Variants in CSMD1 observed in about 807,000 individuals in gnomAD.
The protein encoded by CSMD1 is CUB and sushi domain-containing protein 1.
In CSMD1, 213 loss-of-function variants were observed where a neutral mutation model predicts 417.5. The observed-to-expected ratio is 0.51, with a 90% confidence interval of 0.46 to 0.57. The LOEUF is 0.57. Among genes scored for constraint, CSMD1 ranks in the 20% least tolerant of loss-of-function variants. CSMD1 has a pLI of 0.00. For synonymous variants in CSMD1, 2,862 were observed against 1,736.8 expected (o/e 1.65, Z -16.11); for missense variants, 6,923 against 4,529.7 (o/e 1.53, Z -15.17).
intron 3 of CSMD1, among the ~76,000 whole-genome samples, chr8:4,255,611 G>C (rs993686841): frequency 2.0e-5 from 3 of 152,124 alleles, no homozygotes; most frequent in African/African-American, 7.2e-5. Context: ...GATTATACTT[G>C]ATTTTTATCA....
intron 3 of CSMD1, among the ~76,000 whole-genome samples, chr8:4,352,310 T>C (rs1346881706): frequency 1.3e-5 from 2 of 152,208 alleles, no homozygotes; most frequent in Admixed American, 6.5e-5. Flanking sequence ...AATAGAACTA[T>C]CTATGCCATC....
intron 1 of CSMD1, among the ~76,000 whole-genome samples, chr8:4,906,822 T>C (rs12677949): frequency 6.6e-6 from 1 of 152,086 alleles, no homozygotes; most frequent in African/African-American, 2.4e-5. Context: ...CCTCCCATAG[T>C]GCTGAGATTA....
intron 2 of CSMD1, among the ~76,000 whole-genome samples, chr8:4,538,364 T>C (rs74471748): frequency 0.13 from 19,551 of 152,062 alleles, 1,337 homozygotes; most frequent in East Asian, 0.23. Context: ...TTTAAAAGGC[T>C]GGGTGCGATG....
At chr8:3,529,608 G>T (rs369683792) in intron 10 of CSMD1, among the ~76,000 whole-genome samples, 1 of 152,276 alleles carries the variant, frequency 6.6e-6, no homozygotes, top group South Asian at 2.1e-4. Flanking sequence ...ATCTTCTGAC[G>T]CCTAGTTCGT....
intron 12 of CSMD1, among the ~76,000 whole-genome samples, chr8:3,446,093 G>A (rs1189098557): frequency 2.0e-5 from 3 of 152,046 alleles, no homozygotes; most frequent in African/African-American, 7.2e-5. Context: ...AAGTTGAAAT[G>A]GACTAAAAAC....
At chr8:4,705,551 G>T (rs543092793) in intron 1 of CSMD1, among the ~76,000 whole-genome samples, 1 of 152,166 alleles carries the variant, frequency 6.6e-6, no homozygotes, top group South Asian at 2.1e-4. Flanking sequence ...ATTCTACTAC[G>T]GCATATTTCT....
intron 3 of CSMD1, among the ~76,000 whole-genome samples, chr8:4,087,017 A>C (rs190401507): frequency 6.6e-6 from 1 of 152,200 alleles, no homozygotes; most frequent in Admixed American, 6.5e-5. Context: ...CGCTATGTAC[A>C]TCATGGAATT....
intron 3 of CSMD1, among the ~76,000 whole-genome samples, chr8:4,361,027 T>C (rs1563093471): frequency 6.6e-6 from 1 of 152,210 alleles, no homozygotes; most frequent in Admixed American, 6.5e-5. Flanking sequence ...TTTCTTAAAA[T>C]TAATGCTATA....
chr8:4,706,796 C>G (rs1354855624), intron 1 of CSMD1, among the ~76,000 whole-genome samples: 1 of 152,174 alleles, frequency 6.6e-6, no homozygotes, highest in African/African-American at 2.4e-5. Context: ...TTGAGAAAGA[C>G]AGTGCTTGAC....
intron 3 of CSMD1, among the ~76,000 whole-genome samples, chr8:4,162,125 T>G (rs937262313): frequency 2.9e-4 from 44 of 152,208 alleles, no homozygotes; most frequent in African/African-American, 1.1e-3. Flanking sequence ...TACATGATTC[T>G]AAATAAACTA....
At chr8:4,456,661 C>T (rs1225839530) in intron 2 of CSMD1, among the ~76,000 whole-genome samples, 2 of 152,076 alleles carry the variant, frequency 1.3e-5, no homozygotes, top group Non-Finnish European at 2.9e-5. Context: ...GACCCTCCAA[C>T]CAATCATCTG....
At chr8:3,537,193 GT>G (rs1317864722) in intron 10 of CSMD1, among the ~76,000 whole-genome samples, 1 of 151,968 alleles carries the variant, frequency 6.6e-6, no homozygotes, top group African/African-American at 2.4e-5. Flanking sequence ...TAAGAGACAG[GT>G]TTCACCATGT....
intron 4 of CSMD1, among the ~76,000 whole-genome samples, chr8:4,025,086 G>C (rs1479474396): frequency 1.3e-5 from 2 of 152,152 alleles, no homozygotes; most frequent in Non-Finnish European, 2.9e-5. Context: ...TTCAGAATTG[G>C]AGCAATGGAA....
rs1005497429 is a variant in CSMD1 at position 4,632,411 on chromosome 8, C to T, written c.302+4931G>A. Reference sequence around the variant, plus strand: ...CCTGTAATCCCAGTTACTCAGGAGGCTGAGACAGCAGAATTGCTTAAACCG... The same window carrying T: ...CCTGTAATCCCAGTTACTCAGGAGGTTGAGACAGCAGAATTGCTTAAACCG... On this transcript the variant is annotated intron_variant, in intron 2 of 69. Coordinates refer to ENST00000635120, the MANE Select transcript of CSMD1 (RefSeq NM_033225.6). Among the ~76,000 whole-genome samples, 6 of 152,166 alleles carry T rather than the reference C, an allele frequency of 3.9e-5. No homozygotes were observed. The South Asian group carries it at 1.0e-3, about 26-fold the overall frequency.
chr8:3,899,037 G>T (rs1221677559), intron 5 of CSMD1, among the ~76,000 whole-genome samples: 2 of 152,156 alleles, frequency 1.3e-5, no homozygotes, highest in African/African-American at 4.8e-5. Context: ...ACGCGTCCAG[G>T]AAAAGAAAAC....
intron 3 of CSMD1, among the ~76,000 whole-genome samples, chr8:4,118,088 T>G (rs1045854743): frequency 6.6e-6 from 1 of 151,882 alleles, no homozygotes; most frequent in Non-Finnish European, 1.5e-5. Flanking sequence ...ATTAGACAAA[T>G]TATAAGGCTT....
In CSMD1 at chr8:4,286,152, G is replaced by T. The variant is rs567650034; in HGVS notation, c.415+133801C>A. On this transcript the variant is annotated intron_variant, in intron 3 of 69. Coordinates refer to ENST00000635120, the MANE Select transcript of CSMD1 (RefSeq NM_033225.6). The stretch of plus-strand genomic sequence containing the variant: ...CACATAACGTTTTTACGTTCTTTCT[G>T]GTACCATAAACAAAAGTCAAGAGGA... Among the ~76,000 whole-genome samples the T allele has an allele frequency of 6.6e-5, 10 of 151,916 alleles. No individual in the cohort carries two copies. In the South Asian group the frequency reaches 2.1e-3, roughly 32 times the overall value.
rs148797334 is a variant in CSMD1, at chr8:4,436,339, C to G, written c.303-16274G>C. Among the ~76,000 whole-genome samples, 824 of 152,230 alleles carry G rather than the reference C, an allele frequency of 5.4e-3. 9 individuals carry two copies. The highest frequency in any genetic ancestry group is 0.019 in the African/African-American group (775 of 41,528). On this transcript the variant is annotated intron_variant, in intron 2 of 69. Coordinates refer to ENST00000635120, the MANE Select transcript of CSMD1 (RefSeq NM_033225.6). ...CACTATAAAAGGATACTGTCAATCT[C>G]TCCTTCTTGTGGAGATTAATTGCCT... is the stretch of plus-strand genomic sequence containing the variant.
intron 3 of CSMD1, among the ~76,000 whole-genome samples, chr8:4,232,226 C>G (rs10105492): frequency 1.3e-5 from 2 of 151,944 alleles, no homozygotes; most frequent in South Asian, 2.1e-4. Context: ...GACAGAGTCT[C>G]GCTCTGTCAG....
Sources: gnomAD v4.1 joint callset for allele counts (sites outside exome capture counted in the v4.1 genomes callset) on GRCh38, gnomAD v4.1.1 for gene constraint, MANE v1.5 for transcripts, NCBI Gene and HGNC (gene_info 2026-07-23, HGNC 2026-07-21) for gene names.